DPP10: variants seen among roughly 807,000 people sequenced by gnomAD.
DPP10 encodes dipeptidyl peptidase like 10.
DPP10 carries 33 observed loss-of-function variants against 120.9 expected under a neutral mutation model. The observed-to-expected ratio is 0.27, with a 90% confidence interval of 0.21 to 0.37. The LOEUF (loss-of-function observed/expected upper bound fraction) is 0.37, where lower values mean the gene tolerates loss of function less well. Ranked by LOEUF, DPP10 falls within the 10% of genes least tolerant of loss-of-function variation. The pLI is 1.00. For synonymous variants in DPP10, 337 were observed against 326.1 expected (o/e 1.03, Z -0.36); for missense variants, 816 against 942.8 (o/e 0.87, Z 1.76).
At chr2:115,723,625 T>TTG (rs1553489190) in intron 7 of DPP10, among the ~76,000 whole-genome samples, 2 of 150,548 alleles carry the variant, frequency 1.3e-5, no homozygotes, top group African/African-American at 2.4e-5. Flanking sequence ...GTTTTTTGTT[T>TTG]TTTTTTTTTT....
At chr2:115,512,516 T>G (rs2148843426) in intron 4 of DPP10, among the ~76,000 whole-genome samples, 1 of 152,130 alleles carries the variant, frequency 6.6e-6, no homozygotes, top group South Asian at 2.1e-4. Context: ...TCGTTCCTAA[T>G]ATAGATTTTT....
intron 3 of DPP10, among the ~76,000 whole-genome samples, chr2:115,350,603 A>C (rs753119349): frequency 1.4e-4 from 21 of 152,208 alleles, no homozygotes; most frequent in Middle Eastern, 3.4e-3. Flanking sequence ...TATGAAAAGG[A>C]GGTACAGAGA....
intron 2 of DPP10, among the ~76,000 whole-genome samples, chr2:115,325,378 G>A (rs1012826584): frequency 6.6e-6 from 1 of 152,058 alleles, no homozygotes; most frequent in Non-Finnish European, 1.5e-5. Flanking sequence ...ATAGAATAAG[G>A]TTATTAAAGC....
At chr2:114,985,087 T>C (rs1192800670) in intron 1 of DPP10, among the ~76,000 whole-genome samples, 2 of 152,222 alleles carry the variant, frequency 1.3e-5, no homozygotes, top group East Asian at 1.9e-4. Context: ...GCCCAAAGAT[T>C]CTAAATAATT....
intron 21 of DPP10, among the ~76,000 whole-genome samples, chr2:115,817,900 A>C (rs1161352152): frequency 6.6e-6 from 1 of 152,164 alleles, no homozygotes; most frequent in Admixed American, 6.5e-5. Context: ...ATGAAAAAAA[A>C]GAGTGAAATG....
intron 5 of DPP10, among the ~76,000 whole-genome samples, chr2:115,628,985 G>T (rs190537195): frequency 0.011 from 1,628 of 151,948 alleles, 16 homozygotes; most frequent in South Asian, 0.051. Context: ...CCCACGACAG[G>T]CCCCAGTGTG....
intron 15 of DPP10, among the ~76,000 whole-genome samples, chr2:115,780,394 C>T (rs1391848626): frequency 6.6e-6 from 1 of 151,724 alleles, no homozygotes; most frequent in Non-Finnish European, 1.5e-5. Flanking sequence ...GGCACTGATA[C>T]CAAATTCTAA....
At chr2:115,412,583 C>T (rs80057968) in intron 3 of DPP10, among the ~76,000 whole-genome samples, 2,899 of 152,194 alleles carry the variant, frequency 0.019, 88 homozygotes, top group African/African-American at 0.067. Flanking sequence ...GATTGGAATA[C>T]AGTTGCATAT....
chr2:115,339,829 G>A (rs1037820675), intron 2 of DPP10, among the ~76,000 whole-genome samples: 4 of 152,186 alleles, frequency 2.6e-5, no homozygotes, highest in Non-Finnish European at 5.9e-5. Context: ...TAATGAAAGA[G>A]TGGCAGAAGA....
intron 1 of DPP10, among the ~76,000 whole-genome samples, chr2:114,684,958 C>G (rs1183551299): frequency 2.0e-5 from 3 of 151,954 alleles, no homozygotes; most frequent in Non-Finnish European, 4.4e-5. Context: ...TAAGCATTTA[C>G]TGAACATTCC....
At chr2:115,267,480 A>G (rs567921333) in intron 1 of DPP10, among the ~76,000 whole-genome samples, 179 of 152,220 alleles carry the variant, frequency 1.2e-3, no homozygotes, top group Middle Eastern at 3.4e-3. Flanking sequence ...TTAAAGTGAT[A>G]TTTTTCAGGC....
intron 7 of DPP10, among the ~76,000 whole-genome samples, chr2:115,705,024 A>G (rs2092045012): frequency 6.6e-6 from 1 of 151,968 alleles, no homozygotes; most frequent in African/African-American, 2.4e-5. Flanking sequence ...TCAAATACAA[A>G]CAAAAATTAT....
At chr2:114,975,972 G>A (rs1234034006) in intron 1 of DPP10, among the ~76,000 whole-genome samples, 1 of 151,902 alleles carries the variant, frequency 6.6e-6, no homozygotes, top group Non-Finnish European at 1.5e-5. Flanking sequence ...TTAAATAAGA[G>A]GACATTTAAT....
At chr2:114,866,871 C>T (rs1690281717) in intron 1 of DPP10, among the ~76,000 whole-genome samples, 1 of 152,188 alleles carries the variant, frequency 6.6e-6, no homozygotes, top group African/African-American at 2.4e-5. Flanking sequence ...ATATCTAAGG[C>T]TAGTTAATAG....
intron 4 of DPP10, among the ~76,000 whole-genome samples, chr2:115,514,051 GC>G (rs1261792539): frequency 6.6e-6 from 1 of 151,850 alleles, no homozygotes; most frequent in Admixed American, 6.6e-5. Flanking sequence ...TTGTTGACAA[GC>G]TTTTTCTTTT....
rs375549360 is a variant in DPP10 at position 115,659,404 on chromosome 2, C to CA, written c.442-30273dup. Among the ~76,000 whole-genome samples, 203 of 145,364 alleles carry CA rather than the reference C, an allele frequency of 1.4e-3. 3 individuals carry two copies. The highest frequency in any genetic ancestry group is 4.5e-3 in the African/African-American group (178 of 39,694). Reference sequence around the variant, plus strand: ...TTCTTTTATTTATACTAAAAGTGACCAAAAAAAAAAGTTTAGAATTGAAAC... The same window carrying CA: ...TTCTTTTATTTATACTAAAAGTGACCAAAAAAAAAAAGTTTAGAATTGAAAC... On this transcript the variant is annotated intron_variant, in intron 5 of 25. Transcript: ENST00000410059.
intron 5 of DPP10, among the ~76,000 whole-genome samples, chr2:115,544,730 C>T (rs1163205163): frequency 6.6e-6 from 1 of 152,014 alleles, no homozygotes; most frequent in East Asian, 1.9e-4. Flanking sequence ...TAACATATGG[C>T]ATTCAAGCAT....
chr2:115,515,178 A>G (rs911533793), intron 4 of DPP10, among the ~76,000 whole-genome samples: 4 of 151,498 alleles, frequency 2.6e-5, no homozygotes, highest in African/African-American at 7.2e-5. Context: ...TACTGCTCCA[A>G]AACAAACATA....
chr2:114,717,225 T>C (rs1247069068), intron 1 of DPP10, among the ~76,000 whole-genome samples: 4 of 152,198 alleles, frequency 2.6e-5, no homozygotes, highest in Non-Finnish European at 4.4e-5. Flanking sequence ...GCATGCCACA[T>C]GCCAGGGAAA....
Sources: gnomAD v4.1 joint callset for allele counts (sites outside exome capture counted in the v4.1 genomes callset) on GRCh38, gnomAD v4.1.1 for gene constraint, MANE v1.5 for transcripts, NCBI Gene and HGNC (gene_info 2026-07-23, HGNC 2026-07-21) for gene names.